Variants in GALNTL6 observed in about 807,000 individuals in gnomAD.
The protein encoded by GALNTL6 is polypeptide N-acetylgalactosaminyltransferase like 6.
A neutral mutation model predicts 73.7 loss-of-function variants in GALNTL6; 46 were observed. The observed-to-expected ratio is 0.62, with a 90% CI of 0.49 to 0.80. The LOEUF is 0.80. Ranked by LOEUF, GALNTL6 falls within the 30% of genes least tolerant of loss-of-function variation. GALNTL6 has a pLI of 0.00. For synonymous variants in GALNTL6, 259 were observed against 263.7 expected (o/e 0.98, Z 0.17); for missense variants, 604 against 755.0 (o/e 0.80, Z 2.34).
chr4:171,944,884 G>A (rs893785045), intron 2 of GALNTL6, among the ~76,000 whole-genome samples: 8 of 151,622 alleles, frequency 5.3e-5, no homozygotes, highest in Admixed American at 3.9e-4. Context: ...TATCAGTTAA[G>A]TCCTTAGCTA....
intron 2 of GALNTL6, among the ~76,000 whole-genome samples, chr4:172,228,574 CT>C (rs1736947057): frequency 6.6e-6 from 1 of 151,928 alleles, no homozygotes; most frequent in Non-Finnish European, 1.5e-5. Flanking sequence ...CATTTTATGT[CT>C]TGAAAAGGCT....
intron 10 of GALNTL6, among the ~76,000 whole-genome samples, chr4:172,984,695 A>G (rs1751219107): frequency 1.3e-5 from 2 of 152,226 alleles, no homozygotes; most frequent in South Asian, 4.1e-4. Context: ...CAGGATCAGT[A>G]GAAGCCCAAA....
At chr4:172,091,597 C>T (rs141693792) in intron 2 of GALNTL6, among the ~76,000 whole-genome samples, 12 of 152,212 alleles carry the variant, frequency 7.9e-5, no homozygotes, top group African/African-American at 2.2e-4. Context: ...GATAACATGA[C>T]GTTCCAGTCA....
chr4:172,177,020 T>C (rs565560157), intron 2 of GALNTL6, among the ~76,000 whole-genome samples: 2 of 152,316 alleles, frequency 1.3e-5, no homozygotes, highest in African/African-American at 2.4e-5. Context: ...TAGCAACTTA[T>C]AGAGTCATTA....
chr4:172,042,153 C>G (rs1305464694), intron 2 of GALNTL6, among the ~76,000 whole-genome samples: 1 of 151,954 alleles, frequency 6.6e-6, no homozygotes, highest in Non-Finnish European at 1.5e-5. Context: ...ATGCCCTATT[C>G]CAACTCTTAA....
At chr4:172,569,848 G>A (rs1023607835) in intron 5 of GALNTL6, among the ~76,000 whole-genome samples, 3 of 152,182 alleles carry the variant, frequency 2.0e-5, no homozygotes, top group African/African-American at 7.2e-5. Context: ...GGGAGCCGAG[G>A]ATATGCGAGG....
intron 5 of GALNTL6, among the ~76,000 whole-genome samples, chr4:172,401,280 G>A (rs1744027903): frequency 6.6e-6 from 1 of 151,968 alleles, no homozygotes; most frequent in Non-Finnish European, 1.5e-5. Context: ...TACAGTCTTG[G>A]CTTCTATAAA....
intron 2 of GALNTL6, among the ~76,000 whole-genome samples, chr4:171,985,266 A>G (rs986197680): frequency 6.6e-6 from 1 of 152,230 alleles, no homozygotes; most frequent in Non-Finnish European, 1.5e-5. Flanking sequence ...GGCAGAAGGT[A>G]AAAGACACGT....
chr4:172,297,565 TC>T (rs1409351621), intron 3 of GALNTL6, among the ~76,000 whole-genome samples: 1 of 152,242 alleles, frequency 6.6e-6, no homozygotes, highest in African/African-American at 2.4e-5. Flanking sequence ...GTTTCAGCTT[TC>T]TACCTATGGC....
At position 172,141,336 on chromosome 4, in the gene GALNTL6, A is replaced by G. The variant is rs939870011; in HGVS notation, c.139-88320A>G. 3.3e-5 allele frequency among the ~76,000 whole-genome samples: 5 copies of G among 152,042 alleles called. 1 individual carries two copies. Among genetic ancestry groups the G allele is most frequent in the African/African-American group, 1.2e-4 (5 of 41,444 alleles). On this transcript the variant is annotated intron_variant, in intron 2 of 12. Transcript: ENST00000506823. The stretch of plus-strand genomic sequence containing the variant: ...AACCTGTTTCTTTCAAGAATCTCTC[A>G]ATCTGTTGAGGAAGGCAGGCAAAAT...
chr4:172,290,296 C>T (rs372637556), intron 3 of GALNTL6, among the ~76,000 whole-genome samples: 17 of 152,100 alleles, frequency 1.1e-4, no homozygotes, highest in South Asian at 1.0e-3. Flanking sequence ...AGTATGAGAC[C>T]GAACCATATT....
At chr4:172,626,944 G>C (rs1375333634) in intron 5 of GALNTL6, among the ~76,000 whole-genome samples, 2 of 152,084 alleles carry the variant, frequency 1.3e-5, no homozygotes, top group Admixed American at 6.6e-5. Flanking sequence ...TCAGTGAAGA[G>C]AGACAACTTG....
At chr4:173,010,355 A>G (rs116125312) in intron 11 of GALNTL6, among the ~76,000 whole-genome samples, 3,426 of 152,166 alleles carry the variant, frequency 0.023, 48 homozygotes, top group African/African-American at 0.028. Context: ...GTTCTTCTTT[A>G]TGGCTGAATA....
chr4:172,751,640 G>T (rs1737429169), intron 5 of GALNTL6, among the ~76,000 whole-genome samples: 1 of 152,180 alleles, frequency 6.6e-6, no homozygotes, highest in Non-Finnish European at 1.5e-5. Context: ...GTGTAGGCTG[G>T]ATCCTCATTT....
In GALNTL6 at chr4:171,995,277, T is replaced by A. The variant is rs539548335; in HGVS notation, c.138+180559T>A. 2.0e-5 allele frequency among the ~76,000 whole-genome samples: 3 copies of A among 152,162 alleles called. No homozygotes were observed. The East Asian group carries it at 5.8e-4, about 29-fold the overall frequency. ...GAAATCAGATCATAACATTCACCACTTCTGGATGAAAACTTTACATTTTAA... is the reference window on the plus strand; with the variant it reads ...GAAATCAGATCATAACATTCACCACATCTGGATGAAAACTTTACATTTTAA... On this transcript the variant is annotated intron_variant, in intron 2 of 12. Transcript: ENST00000506823.
chr4:171,907,306 CAAAATCAACGTACG>C (rs1476786402), intron 2 of GALNTL6, among the ~76,000 whole-genome samples: 3 of 152,176 alleles, frequency 2.0e-5, no homozygotes, highest in Non-Finnish European at 2.9e-5. Context: ...GTCTCAGATA[CAAAATCAACGTACG>C]AAAATCACAA....
At chr4:172,779,510 G>A (rs1268370006) in intron 5 of GALNTL6, among the ~76,000 whole-genome samples, 2 of 152,124 alleles carry the variant, frequency 1.3e-5, no homozygotes, top group African/African-American at 4.8e-5. Context: ...GTGGTGTATG[G>A]CTGAAATGAG....
intron 2 of GALNTL6, among the ~76,000 whole-genome samples, chr4:172,206,357 A>G (rs1010212429): frequency 6.6e-6 from 1 of 152,184 alleles, no homozygotes; most frequent in African/African-American, 2.4e-5. Flanking sequence ...ACAGGAAAAG[A>G]CAAGAACAGG....
chr4:172,313,401 G>A (rs895403741), intron 4 of GALNTL6, among the ~76,000 whole-genome samples: 1 of 151,930 alleles, frequency 6.6e-6, no homozygotes, highest in Non-Finnish European at 1.5e-5. Flanking sequence ...GGGATTACAG[G>A]CTGAGCCACC....
Sources: allele counts gnomAD v4.1 joint callset (sites outside exome capture counted in the v4.1 genomes callset), GRCh38; gene constraint gnomAD v4.1.1; transcripts MANE v1.5; gene names NCBI Gene and HGNC (gene_info 2026-07-23, HGNC 2026-07-21).